The following SCAPER variants were observed in gnomAD, a reference collection of about 807,000 sequenced individuals.
SCAPER encodes S-phase cyclin A associated protein in the ER.
Under a neutral mutation model 182.2 loss-of-function variants are expected in SCAPER, and 98 were observed. That is an observed-to-expected ratio of 0.54 (90% CI 0.46 to 0.64). The LOEUF (loss-of-function observed/expected upper bound fraction) is 0.64. SCAPER is among the 30% of genes least tolerant of loss of function. The pLI is 0.00. For missense variants in SCAPER, 1,432 were observed against 1,690.0 expected, an observed-to-expected ratio of 0.85 and a Z score of 2.68; for synonymous variants, 605 against 564.6, an observed-to-expected ratio of 1.07 and a Z score of -1.01.
In SCAPER at chr15:76,467,436, G is replaced by C. The variant is rs573747480; in HGVS notation, c.3078+3776C>G. On this transcript the variant is annotated intron_variant, in intron 25 of 31. Transcript: ENST00000563290. ...TCCCAGAGGAGAAGCTGAGAGTTGG[G>C]GTGTCTTTTTTTTTTTTTTTTAAAG... Among the ~76,000 whole-genome samples, 341 of 75,864 alleles carry C rather than the reference G, an allele frequency of 4.5e-3. 17 individuals are homozygous for C. The South Asian group carries it at 0.16, about 35-fold the overall frequency. The allele number at this position is 75,864 out of a possible 152,430, so 49.8% of individuals were successfully genotyped here.
At chr15:76,882,764 AT>A (rs944994995) in intron 2 of SCAPER, among the ~76,000 whole-genome samples, 8 of 152,224 alleles carry the variant, frequency 5.3e-5, no homozygotes, top group African/African-American at 1.4e-4. Context: ...TCCCGGGTTC[AT>A]GCCATTCTCC....
chr15:76,636,401 C>A (rs180835531), intron 21 of SCAPER, among the ~76,000 whole-genome samples: 1 of 152,024 alleles, frequency 6.6e-6, no homozygotes, highest in Non-Finnish European at 1.5e-5. Flanking sequence ...CTACTGTTGA[C>A]CCCAACTGTT....
intron 21 of SCAPER, among the ~76,000 whole-genome samples, chr15:76,652,561 ATT>A (rs1224858042): frequency 6.1e-5 from 8 of 131,898 alleles, no homozygotes; most frequent in Admixed American, 1.5e-4. Context: ...ACACACACAC[ATT>A]AGCCGGGTGT....
chr15:76,729,385 T>C (rs1190929956), intron 16 of SCAPER, among the ~76,000 whole-genome samples: 1 of 151,692 alleles, frequency 6.6e-6, no homozygotes, highest in Non-Finnish European at 1.5e-5. Flanking sequence ...ATACAGAACT[T>C]AATATATGTT....
In SCAPER at chr15:76,765,596, T is replaced by C; in HGVS notation, c.1462A>G (p.Met488Val). 3 of 1,590,240 alleles carry C rather than the reference T, an allele frequency of 1.9e-6. No homozygotes were observed. Among genetic ancestry groups the C allele is most frequent in the Non-Finnish European group, 2.6e-6 (3 of 1,167,198 alleles). ...TCTGCAAGGACATCGTTCCAGTCCA[T>C]GGACATACCACAGAAAGAAACACTC... ...SGSVSFCGMSMDWNDVLADYE... is the reference protein window; with the variant it reads ...SGSVSFCGMSVDWNDVLADYE... The change falls in exon 12 of 32, where the codon ATG (methionine) becomes GTG (valine). Residue 488 changes from methionine to valine, a missense_variant. By Grantham distance (21) the Met-to-Val change is conservative. Around this residue, in one of 5 missense-constraint regions of SCAPER, gnomAD observed 128 missense variants for 149.9 expected, o/e 0.85. Coordinates refer to ENST00000563290, the MANE Select transcript of SCAPER (RefSeq NM_020843.4).
chr15:76,418,965 G>A (rs1225245520), intron 26 of SCAPER, among the ~76,000 whole-genome samples: 1 of 152,158 alleles, frequency 6.6e-6, no homozygotes, highest in African/African-American at 2.4e-5. Context: ...CTGCACAAAT[G>A]TGCCTTTCTG....
At chr15:76,556,941 T>A (rs2046239626) in intron 23 of SCAPER, among the ~76,000 whole-genome samples, 1 of 152,066 alleles carries the variant, frequency 6.6e-6, no homozygotes, top group Non-Finnish European at 1.5e-5. Context: ...TGTATAAAAA[T>A]CAGAGGCATT....
intron 2 of SCAPER, among the ~76,000 whole-genome samples, chr15:76,879,156 C>T (rs1168916765): frequency 6.6e-6 from 1 of 152,168 alleles, no homozygotes; most frequent in African/African-American, 2.4e-5. Flanking sequence ...TGCAGTTCCC[C>T]ATAAGCACCA....
chr15:76,493,643 C>T (rs1007147509), intron 24 of SCAPER, among the ~76,000 whole-genome samples: 8 of 152,246 alleles, frequency 5.3e-5, no homozygotes, highest in South Asian at 2.1e-4. Context: ...AATAACAAGA[C>T]GACTATGATT....
At chr15:76,363,971 A>C (rs2141764707) in intron 29 of SCAPER, among the ~76,000 whole-genome samples, 1 of 152,326 alleles carries the variant, frequency 6.6e-6, no homozygotes, top group East Asian at 1.9e-4. Context: ...CCTTGAGGCC[A>C]ATGACCTCTA....
At chr15:76,618,771 A>G (rs2051733218) in intron 22 of SCAPER, among the ~76,000 whole-genome samples, 1 of 152,254 alleles carries the variant, frequency 6.6e-6, no homozygotes. Context: ...TAATGAGCAC[A>G]TGAAGCCTGT....
chr15:76,348,753 A>C lies in SCAPER; in HGVS notation c.4100-17T>G. The C allele has an allele frequency of 7.0e-7, 1 of 1,431,328 alleles. No individual in the cohort carries two copies. The highest frequency in any genetic ancestry group is 9.4e-7 in the Non-Finnish European group (1 of 1,065,776). 88.7% of individuals were successfully genotyped at this position (1,431,328 alleles called of 1,614,324 possible). ...GGCATTTCCCTGAGAGGGGGATAAA[A>C]GAGAAAAAAGTTAAATAAAAGAGGG... On this transcript the variant is annotated splice_polypyrimidine_tract_variant and intron_variant, in intron 31 of 31. Transcript: ENST00000563290.
chr15:76,781,712 A>G (rs1193871898), intron 8 of SCAPER, among the ~76,000 whole-genome samples: 1 of 152,236 alleles, frequency 6.6e-6, no homozygotes, highest in African/African-American at 2.4e-5. Flanking sequence ...CCTACAATCC[A>G]GAAGACAGTG....
rs576253283 is a variant in SCAPER, at chr15:76,614,341, G to A, written c.2711+7423C>T. On this transcript the variant is annotated intron_variant, in intron 22 of 31. Transcript: ENST00000563290. ...AATATTCTGTACAACAAATCCCCAT[G>A]GCACAAGTTTACTACCTATGTAACA... is the stretch of plus-strand genomic sequence containing the variant. 2.0e-5 allele frequency among the ~76,000 whole-genome samples: 3 copies of A among 152,162 alleles called. No homozygotes were observed. The East Asian group carries it at 5.8e-4, about 29-fold the overall frequency.
At chr15:76,800,070 C>T (rs944146989) in intron 7 of SCAPER, among the ~76,000 whole-genome samples, 178 bp downstream of exon 7, 1 of 150,852 alleles carries the variant, frequency 6.6e-6, no homozygotes, top group African/African-American at 2.4e-5. Flanking sequence ...GTTTAGAATC[C>T]TCCCCGGGAT....
intron 5 of SCAPER, among the ~76,000 whole-genome samples, chr15:76,816,403 A>G (rs1218874968): frequency 6.6e-6 from 1 of 152,072 alleles, no homozygotes; most frequent in Non-Finnish European, 1.5e-5. Context: ...AGACACGAAC[A>G]CACACATTAG....
Position 76,478,567 on chromosome 15 carries a change from AT to A in SCAPER, c.2955-7233del, listed in dbSNP as rs144512148. ...TATTTTCCTTGAATTATCACTGTGT[AT>A]GGTAATTTTATGGTTTTCTAATTCA... is the stretch of plus-strand genomic sequence containing the variant. On this transcript the variant is annotated intron_variant, in intron 24 of 31. Coordinates refer to ENST00000563290, the MANE Select transcript of SCAPER (RefSeq NM_020843.4). 8.5e-5 allele frequency among the ~76,000 whole-genome samples: 13 copies of A among 152,170 alleles called. No homozygotes were observed. In the East Asian group the frequency reaches 2.5e-3, roughly 29 times the overall value.
chr15:76,582,132 G>A (rs1035736693), intron 22 of SCAPER, among the ~76,000 whole-genome samples: 1 of 152,084 alleles, frequency 6.6e-6, no homozygotes, highest in Non-Finnish European at 1.5e-5. Context: ...AGAAAGAAAT[G>A]AAGGGCATCC....
chr15:76,837,619 G>C, intron 5 of SCAPER, among the ~76,000 whole-genome samples: 1 of 152,142 alleles, frequency 6.6e-6, no homozygotes, highest in African/African-American at 2.4e-5. Context: ...ATGAGATTTG[G>C]GTGGGGACAG....
Sources: allele counts gnomAD v4.1 joint callset (sites outside exome capture counted in the v4.1 genomes callset), GRCh38; gene constraint gnomAD v4.1.1; regional missense constraint gnomAD v4.1.1; transcripts MANE v1.5; gene names NCBI Gene and HGNC (gene_info 2026-07-23, HGNC 2026-07-21).